SYT14: variants seen among roughly 807,000 people sequenced by gnomAD.
SYT14 encodes synaptotagmin 14.
In SYT14, 32 loss-of-function variants were observed where a neutral mutation model predicts 74.2. The observed-to-expected ratio is 0.43, with a 90% CI of 0.33 to 0.58. The LOEUF (loss-of-function observed/expected upper bound fraction) is 0.58, where lower values mean the gene tolerates loss of function less well. SYT14 is among the 20% of genes least tolerant of loss of function. The pLI, the probability that SYT14 is intolerant of heterozygous loss-of-function variation, is 0.05. For missense variants in SYT14, 791 were observed against 981.8 expected (o/e 0.81, Z 2.60); for synonymous variants, 298 against 337.7 (o/e 0.88, Z 1.29).
intron 2 of SYT14, among the ~76,000 whole-genome samples, chr1:209,964,954 C>T (rs933799268): frequency 8.5e-5 from 13 of 152,150 alleles, no homozygotes; most frequent in African/African-American, 3.1e-4. Context: ...TTCCCAGATG[C>T]CAGCCAAGGG....
intron 2 of SYT14, among the ~76,000 whole-genome samples, chr1:209,974,511 C>CGGGT (rs535159812): frequency 6.6e-6 from 1 of 152,096 alleles, no homozygotes; most frequent in Non-Finnish European, 1.5e-5. Flanking sequence ...TGTCAAAGAT[C>CGGGT]GGGTGGTTGT....
At chr1:210,123,569 A>C (rs2451693) in intron 7 of SYT14, among the ~76,000 whole-genome samples, 15,317 of 152,242 alleles carry the variant, frequency 0.1, 1,050 homozygotes, top group Non-Finnish European at 0.13. Context: ...TAAATAGCAT[A>C]AGTTTCTTCT....
rs902867201 is a variant in SYT14 at position 210,107,892 on chromosome 1, T to C, written c.2034+7431T>C. 1.6e-4 allele frequency among the ~76,000 whole-genome samples: 25 copies of C among 152,300 alleles called. 1 individual carries two copies. In the East Asian group the frequency reaches 4.6e-3, roughly 28 times the overall value. On this transcript the variant is annotated intron_variant, in intron 7 of 9. Coordinates refer to ENST00000637265, the Ensembl canonical transcript of SYT14. ...TGATTTTTTTTTACTTCTATCTTTG[T>C]TTATTTCTGTCTTTGTTTTTTTATG...
At chr1:210,142,480 G>A (rs1194517864) in intron 7 of SYT14, among the ~76,000 whole-genome samples, 1 of 152,088 alleles carries the variant, frequency 6.6e-6, no homozygotes, top group Non-Finnish European at 1.5e-5. Flanking sequence ...TGCCTGTAAG[G>A]GTGTTTGAGT....
chr1:210,092,627 G>T (rs1029135579), intron 5 of SYT14, among the ~76,000 whole-genome samples: 1 of 152,076 alleles, frequency 6.6e-6, no homozygotes, highest in Non-Finnish European at 1.5e-5. Flanking sequence ...GGGTTTTTTG[G>T]CTATGACTTG....
chr1:209,943,686 A>G (rs1214439512), intron 1 of SYT14, among the ~76,000 whole-genome samples: 1 of 152,104 alleles, frequency 6.6e-6, no homozygotes, highest in Non-Finnish European at 1.5e-5. Flanking sequence ...GTGTGGTAGT[A>G]TAATAGATTG....
chr1:209,961,703 ACT>A (rs2079078035), intron 2 of SYT14, among the ~76,000 whole-genome samples: 1 of 151,784 alleles, frequency 6.6e-6, no homozygotes, highest in Non-Finnish European at 1.5e-5. Context: ...GAACTTGTAG[ACT>A]CTTACTAGAG....
At chr1:210,148,889 G>A (rs907265175) in intron 7 of SYT14, among the ~76,000 whole-genome samples, 1 of 151,948 alleles carries the variant, frequency 6.6e-6, no homozygotes, top group Non-Finnish European at 1.5e-5. Context: ...AATAACATGA[G>A]AAAATTATAA....
chr1:209,978,619 G>C (rs2079416799), intron 2 of SYT14, among the ~76,000 whole-genome samples: 1 of 152,160 alleles, frequency 6.6e-6, no homozygotes, highest in South Asian at 2.1e-4. Flanking sequence ...GCCCCTACTG[G>C]GGGGTGCCTC....
chr1:210,016,075 T>C (rs1021687923), exon 4 of SYT14: 1 of 1,232,130 alleles, frequency 8.1e-7, no homozygotes, highest in Non-Finnish European at 1.0e-6. Context: ...TCAGTAGTGC[T>C]GTAGAGGATT....
At chr1:210,124,676 A>G (rs2082531630) in intron 7 of SYT14, among the ~76,000 whole-genome samples, 1 of 152,246 alleles carries the variant, frequency 6.6e-6, no homozygotes, top group Admixed American at 6.5e-5. Flanking sequence ...TTTTCACTAT[A>G]TGAAGTGTTT....
intron 7 of SYT14, among the ~76,000 whole-genome samples, chr1:210,121,512 G>A (rs1354061629): frequency 6.6e-6 from 1 of 152,082 alleles, no homozygotes; most frequent in Non-Finnish European, 1.5e-5. Flanking sequence ...ATTCTGAGTA[G>A]GGCCAGGCGC....
At chr1:209,946,462 G>T (rs1313050244) in intron 1 of SYT14, among the ~76,000 whole-genome samples, 1 of 152,232 alleles carries the variant, frequency 6.6e-6, no homozygotes, top group Non-Finnish European at 1.5e-5. Flanking sequence ...AGTTTGAGTG[G>T]TCTGGATGGC....
chr1:210,116,650 A>T (rs540581729), intron 7 of SYT14, among the ~76,000 whole-genome samples: 5 of 152,150 alleles, frequency 3.3e-5, no homozygotes, highest in Non-Finnish European at 7.4e-5. Flanking sequence ...CCCATCCTGA[A>T]CTCATTGTTT....
chr1:209,979,850 A>C (rs955482958), intron 2 of SYT14, among the ~76,000 whole-genome samples: 1 of 152,188 alleles, frequency 6.6e-6, no homozygotes, highest in Admixed American at 6.5e-5. Context: ...TATCCAGTCC[A>C]TCACTGATGG....
intron 7 of SYT14, among the ~76,000 whole-genome samples, chr1:210,127,253 C>G (rs1271492343): frequency 1.3e-5 from 2 of 152,138 alleles, no homozygotes; most frequent in East Asian, 3.8e-4. Flanking sequence ...ACATATTTCC[C>G]ATTCTTACCC....
chr1:209,942,029 C>G (rs1572042892), intron 1 of SYT14, among the ~76,000 whole-genome samples: 1 of 152,172 alleles, frequency 6.6e-6, no homozygotes, highest in Non-Finnish European at 1.5e-5. Context: ...AGTACACATA[C>G]AACCACTGTA....
chr1:210,010,266 A>G (rs1018491184), intron 2 of SYT14, among the ~76,000 whole-genome samples: 9 of 152,154 alleles, frequency 5.9e-5, no homozygotes, highest in African/African-American at 1.2e-4. Flanking sequence ...CTCCTCTGGT[A>G]TATTCTTAAT....
At chr1:210,057,210 A>G (rs541921216) in intron 5 of SYT14, among the ~76,000 whole-genome samples, 5 of 152,318 alleles carry the variant, frequency 3.3e-5, no homozygotes, top group African/African-American at 1.2e-4. Context: ...TAGTATAAAT[A>G]TCTAAATTAA....
Sources: allele counts gnomAD v4.1 joint callset (sites outside exome capture counted in the v4.1 genomes callset), GRCh38; gene constraint gnomAD v4.1.1; transcripts MANE v1.5; gene names NCBI Gene and HGNC (gene_info 2026-07-23, HGNC 2026-07-21).